The following MCPH1 variants were observed in gnomAD, a reference collection of about 807,000 sequenced individuals.
MCPH1 encodes microcephalin.
MCPH1 carries 104 observed loss-of-function variants against 84.5 expected under a neutral mutation model. The observed-to-expected ratio is 1.23, with a 90% CI of 1.05 to 1.45. The LOEUF (loss-of-function observed/expected upper bound fraction) is 1.45. Among genes scored for constraint, MCPH1 ranks in the 40% most tolerant of loss-of-function variants. The pLI is 0.00. For synonymous variants in MCPH1, 514 were observed against 366.8 expected, an observed-to-expected ratio of 1.40 and a Z score of -4.58; for missense variants, 1,498 against 1,005.7, an observed-to-expected ratio of 1.49 and a Z score of -6.62.
At chr8:6,459,366 C>T (rs1327679650) in intron 9 of MCPH1, among the ~76,000 whole-genome samples, 3 of 152,142 alleles carry the variant, frequency 2.0e-5, no homozygotes, top group African/African-American at 7.2e-5. Flanking sequence ...ACCTCTGCCT[C>T]CCGGGTTCAA....
intron 13 of MCPH1, among the ~76,000 whole-genome samples, chr8:6,641,555 G>A (rs940525760): frequency 1.3e-5 from 2 of 152,148 alleles, no homozygotes; most frequent in African/African-American, 4.8e-5. Flanking sequence ...ATCAGCCTGG[G>A]CAACAAAGTG....
chr8:6,421,685 C>G (rs1800224102), intron 3 of MCPH1, among the ~76,000 whole-genome samples: 1 of 152,202 alleles, frequency 6.6e-6, no homozygotes, highest in Admixed American at 6.5e-5. Context: ...TGTACTACAG[C>G]TGTAGATTTG....
At chr8:6,481,840 A>G (rs1809282690) in intron 11 of MCPH1, among the ~76,000 whole-genome samples, 1 of 152,240 alleles carries the variant, frequency 6.6e-6, no homozygotes, top group African/African-American at 2.4e-5. Context: ...TGGATGAAAG[A>G]CAGTAGTGCC....
chr8:6,595,329 A>G (rs888717950), intron 12 of MCPH1, among the ~76,000 whole-genome samples: 1 of 152,196 alleles, frequency 6.6e-6, no homozygotes, highest in Non-Finnish European at 1.5e-5. Flanking sequence ...CAAACAAGGG[A>G]TAGAAACATG....
chr8:6,510,029 A>G (rs950002890), intron 12 of MCPH1, among the ~76,000 whole-genome samples: 1 of 152,208 alleles, frequency 6.6e-6, no homozygotes, highest in Admixed American at 6.5e-5. Context: ...ACACCATCGT[A>G]AAGTCGAAAA....
intron 13 of MCPH1, among the ~76,000 whole-genome samples, chr8:6,637,216 A>G (rs1797618736): frequency 6.6e-6 from 1 of 152,230 alleles, no homozygotes; most frequent in Non-Finnish European, 1.5e-5. Context: ...GGGACTTAAC[A>G]TTTAAGAGAG....
At chr8:6,436,246 A>C in intron 5 of MCPH1, 84 bp downstream of exon 5, 1 of 1,395,034 alleles carries the variant, frequency 7.2e-7, no homozygotes, top group Admixed American at 1.9e-5. Context: ...GGGGTTCAGC[A>C]TGAGAGAGCT....
At chr8:6,539,195 T>C (rs1308867567) in intron 12 of MCPH1, among the ~76,000 whole-genome samples, 1 of 152,030 alleles carries the variant, frequency 6.6e-6, no homozygotes, top group East Asian at 1.9e-4. Flanking sequence ...GCCTGGGGGG[T>C]AGGCACAGTA....
At chr8:6,628,740 G>A (rs1025770031) in intron 13 of MCPH1, among the ~76,000 whole-genome samples, 3 of 152,192 alleles carry the variant, frequency 2.0e-5, no homozygotes, top group African/African-American at 7.2e-5. Flanking sequence ...TGGGGTGAAT[G>A]CCCAAGTGTG....
chr8:6,454,221 C>G (rs756110900), intron 8 of MCPH1, among the ~76,000 whole-genome samples: 1 of 152,048 alleles, frequency 6.6e-6, no homozygotes, highest in Non-Finnish European at 1.5e-5. Flanking sequence ...TTGTGAGCTC[C>G]CTAAGTGTGG....
chr8:6,505,093 G>A (rs141622039), intron 12 of MCPH1, among the ~76,000 whole-genome samples: 4 of 107,786 alleles, frequency 3.7e-5, no homozygotes, highest in Admixed American at 1.0e-4. Context: ...CGACCCAAGC[G>A]TCAGGTAGGG....
At chr8:6,409,113 C>G (rs1435502738) in intron 1 of MCPH1, among the ~76,000 whole-genome samples, 166 bp from the exon 2 acceptor site, 2 of 152,148 alleles carry the variant, frequency 1.3e-5, no homozygotes, top group Non-Finnish European at 2.9e-5. Flanking sequence ...TCTCAAACCC[C>G]TGACTTCGTG....
At chr8:6,527,659 C>A (rs115556798) in intron 12 of MCPH1, 1 of 1,613,654 alleles carries the variant, frequency 6.2e-7, no homozygotes. Flanking sequence ...GTTCAAGTCT[C>A]GTGGTCTGAT....
intron 3 of MCPH1, among the ~76,000 whole-genome samples, chr8:6,428,358 A>T (rs1212717917): frequency 6.6e-6 from 1 of 152,170 alleles, no homozygotes; most frequent in Admixed American, 6.5e-5. Context: ...TTTCAGCTCC[A>T]TTATAATCTT....
chr8:6,460,659 T>G (rs1806179966), intron 9 of MCPH1, among the ~76,000 whole-genome samples: 1 of 152,206 alleles, frequency 6.6e-6, no homozygotes, highest in African/African-American at 2.4e-5. Context: ...TCTGTTGTTT[T>G]CAATCATACG....
chr8:6,420,606 C>T (rs777136524), intron 3 of MCPH1, among the ~76,000 whole-genome samples: 8 of 152,024 alleles, frequency 5.3e-5, no homozygotes, highest in Middle Eastern at 3.4e-3. Context: ...CTTATGGAGT[C>T]CATTGAAATG....
rs543930450 is a variant in MCPH1 at position 6,410,964 on chromosome 8, C to G, written c.114+1594C>G. ...AAAAAGCCAGGTGTGGTGGCACACA[C>G]CTGTAGTCTCAGTGATTCGGGAGGC... On this transcript the variant is annotated intron_variant, in intron 2 of 13. Coordinates refer to ENST00000344683, the MANE Select transcript of MCPH1 (RefSeq NM_024596.5). Among the ~76,000 whole-genome samples the G allele has an allele frequency of 3.5e-4, 54 of 152,234 alleles. 1 individual carries two copies. The South Asian group carries it at 0.01, about 29-fold the overall frequency.
At chr8:6,483,265 G>C (rs539045064) in intron 11 of MCPH1, among the ~76,000 whole-genome samples, 4 of 152,304 alleles carry the variant, frequency 2.6e-5, no homozygotes, top group African/African-American at 9.6e-5. Context: ...ATGATGTATA[G>C]ATTTAACACA....
chr8:6,553,139 C>G (rs1358939407), intron 12 of MCPH1, among the ~76,000 whole-genome samples: 1 of 152,050 alleles, frequency 6.6e-6, no homozygotes, highest in Non-Finnish European at 1.5e-5. Flanking sequence ...TCAGTTGTAA[C>G]CAGTGCACCA....
Sources: allele counts gnomAD v4.1 joint callset (sites outside exome capture counted in the v4.1 genomes callset), GRCh38; gene constraint gnomAD v4.1.1; transcripts MANE v1.5; gene names NCBI Gene and HGNC (gene_info 2026-07-23, HGNC 2026-07-21).